KAZN: variants seen among roughly 807,000 people sequenced by gnomAD.
The protein encoded by KAZN is kazrin, periplakin interacting protein, also known as kazrin.
In KAZN, 40 loss-of-function variants were observed where a neutral mutation model predicts 87.4. That is an observed-to-expected ratio of 0.46 (90% CI 0.36 to 0.60). KAZN has a LOEUF of 0.60. Among genes scored for constraint, KAZN ranks in the 20% least tolerant of loss-of-function variants. The pLI is 0.00. For missense variants in KAZN, 898 were observed against 1,073.9 expected, an observed-to-expected ratio of 0.84 and a Z score of 2.29; for synonymous variants, 466 against 458.3, an observed-to-expected ratio of 1.02 and a Z score of -0.22.
intron 1 of KAZN, among the ~76,000 whole-genome samples, chr1:14,014,981 C>T (rs1401797916): frequency 6.6e-6 from 1 of 152,140 alleles, no homozygotes; most frequent in Non-Finnish European, 1.5e-5. Flanking sequence ...ATGATGAGAT[C>T]TCTTTTTCTT....
intron 1 of KAZN, among the ~76,000 whole-genome samples, chr1:14,954,050 CT>C (rs1436564495): frequency 6.6e-6 from 1 of 152,204 alleles, no homozygotes; most frequent in Non-Finnish European, 1.5e-5. Flanking sequence ...TGGTATGGAC[CT>C]TTCCTCTGAG....
At chr1:14,394,814 C>A (rs959145509) in intron 2 of KAZN, among the ~76,000 whole-genome samples, 1 of 152,168 alleles carries the variant, frequency 6.6e-6, no homozygotes, top group Non-Finnish European at 1.5e-5. Context: ...AGGAAGTGTT[C>A]CTCTCTTACA....
At chr1:14,960,548 C>T in intron 1 of KAZN, 136 bp from the exon 2 acceptor site, 2 of 869,432 alleles carry the variant, frequency 2.3e-6, no homozygotes, top group South Asian at 3.5e-5. Flanking sequence ...AGGCAGTGGC[C>T]TCCCTTCACA....
At chr1:14,860,269 G>A (rs1650683440) in intron 1 of KAZN, among the ~76,000 whole-genome samples, 1 of 151,804 alleles carries the variant, frequency 6.6e-6, no homozygotes, top group Non-Finnish European at 1.5e-5. Context: ...TCAGTTCACT[G>A]CAACCTCCAC....
chr1:14,929,792 C>G lies in KAZN; in HGVS notation c.227-30892C>G, dbSNP rs1003023031. 1.1e-5 allele frequency: 11 copies of G among 985,318 alleles called. No individual in the cohort carries two copies. The Admixed American group carries it at 1.8e-4, about 17-fold the overall frequency. 61.0% of individuals were successfully genotyped at this position (985,318 alleles called of 1,614,324 possible). ...TTATGTTGCGGGTGCCAGATGAGTG[C>G]CTTTCAAGGGAGAGGGAAGGTCAGG... On this transcript the variant is annotated intron_variant, in intron 1 of 14. Transcript: ENST00000376030.
chr1:14,851,873 C>T (rs1342896066), intron 1 of KAZN, among the ~76,000 whole-genome samples: 1 of 152,220 alleles, frequency 6.6e-6, no homozygotes, highest in Non-Finnish European at 1.5e-5. Flanking sequence ...CCTGCAACTG[C>T]AGGTCACTGG....
At chr1:14,227,682 C>T (rs1647413466) in intron 2 of KAZN, among the ~76,000 whole-genome samples, 1 of 152,172 alleles carries the variant, frequency 6.6e-6, no homozygotes, top group Non-Finnish European at 1.5e-5. Flanking sequence ...ATACAGAGCC[C>T]ACCTCTTGAT....
intron 1 of KAZN, among the ~76,000 whole-genome samples, chr1:14,607,173 T>A (rs1166378584): frequency 6.6e-6 from 1 of 152,224 alleles, no homozygotes; most frequent in African/African-American, 2.4e-5. Flanking sequence ...ATTGATTTAA[T>A]GATAGATGAT....
intron 2 of KAZN, among the ~76,000 whole-genome samples, chr1:14,539,019 T>G (rs1672659165): frequency 6.6e-6 from 1 of 152,186 alleles, no homozygotes; most frequent in South Asian, 2.1e-4. Context: ...AGCGTTATTT[T>G]ACTATTTTAA....
At chr1:14,209,147 G>A (rs991614610) in intron 2 of KAZN, among the ~76,000 whole-genome samples, 9 of 152,214 alleles carry the variant, frequency 5.9e-5, no homozygotes, top group African/African-American at 1.7e-4. Flanking sequence ...CCGAGTAGCC[G>A]TGGTTACCCA....
chr1:13,995,099 G>C (rs1639447904), intron 1 of KAZN, among the ~76,000 whole-genome samples: 1 of 151,742 alleles, frequency 6.6e-6, no homozygotes, highest in Non-Finnish European at 1.5e-5. Flanking sequence ...TCTACAAAAA[G>C]CTTACAGCAA....
chr1:14,023,916 T>C (rs1349442939), intron 1 of KAZN, among the ~76,000 whole-genome samples: 2 of 152,112 alleles, frequency 1.3e-5, no homozygotes, highest in African/African-American at 4.8e-5. Flanking sequence ...GTGTAGAGGT[T>C]CACCAGACCC....
chr1:14,245,602 GATTCCTA>G (rs1457895454), intron 2 of KAZN, among the ~76,000 whole-genome samples: 58 of 152,116 alleles, frequency 3.8e-4, no homozygotes, highest in Non-Finnish European at 7.6e-4. Context: ...CTTTGAGATA[GATTCCTA>G]GAAATAGAAT....
intron 1 of KAZN, among the ~76,000 whole-genome samples, chr1:14,805,776 A>C (rs55831812): frequency 1.7e-4 from 14 of 83,618 alleles, no homozygotes; most frequent in South Asian, 9.5e-4. Context: ...AATAATAATA[A>C]TAATAATAAT....
At chr1:14,068,018 G>A (rs191402494) in intron 1 of KAZN, among the ~76,000 whole-genome samples, 83 of 152,286 alleles carry the variant, frequency 5.5e-4, no homozygotes, top group African/African-American at 1.9e-3. Flanking sequence ...TTTCAGAGCC[G>A]GAATACTTTG....
intron 1 of KAZN, among the ~76,000 whole-genome samples, chr1:14,169,867 C>A (rs2100253506): frequency 6.6e-6 from 1 of 152,304 alleles, no homozygotes; most frequent in Middle Eastern, 3.4e-3. Flanking sequence ...GATGAAGTCA[C>A]TTCCCAACAG....
intron 1 of KAZN, among the ~76,000 whole-genome samples, chr1:14,069,354 C>T (rs1643151223): frequency 1.3e-5 from 2 of 152,196 alleles, no homozygotes; most frequent in African/African-American, 2.4e-5. Flanking sequence ...ACACCTTCTA[C>T]ACAACCGCGA....
At chr1:14,779,908 C>T (rs183501818) in intron 1 of KAZN, among the ~76,000 whole-genome samples, 339 of 152,340 alleles carry the variant, frequency 2.2e-3, no homozygotes, top group South Asian at 4.1e-3. Flanking sequence ...TACATTCTCT[C>T]GTGCATTGCT....
chr1:14,791,335 G>A (rs1039492932), intron 1 of KAZN, among the ~76,000 whole-genome samples: 3 of 152,188 alleles, frequency 2.0e-5, no homozygotes, highest in African/African-American at 4.8e-5. Flanking sequence ...ACCTGCACAC[G>A]AGAAACCTCT....
Sources: allele counts gnomAD v4.1 joint callset (sites outside exome capture counted in the v4.1 genomes callset), GRCh38; gene constraint gnomAD v4.1.1; transcripts MANE v1.5; gene names NCBI Gene and HGNC (gene_info 2026-07-23, HGNC 2026-07-21).